The following KLF12 variants were observed in gnomAD, a reference collection of about 807,000 sequenced individuals.
KLF12 encodes the protein KLF transcription factor 12, also known as Krueppel-like factor 12.
KLF12 carries 9 observed loss-of-function variants against 37.8 expected under a neutral mutation model. The observed-to-expected ratio is 0.24, with a 90% CI of 0.14 to 0.42. The LOEUF is 0.42. KLF12 is among the 10% of genes least tolerant of loss of function. The probability of loss-of-function intolerance (pLI) is 1.00; values close to 1 mark genes in which losing one functional copy is unlikely to be tolerated. For synonymous variants in KLF12, 208 were observed against 202.1 expected (o/e 1.03, Z -0.25); for missense variants, 411 against 516.0 (o/e 0.80, Z 1.97).
intron 1 of KLF12, among the ~76,000 whole-genome samples, chr13:74,021,757 G>A (rs1892847077): frequency 6.6e-6 from 1 of 152,140 alleles, no homozygotes; most frequent in Non-Finnish European, 1.5e-5. Context: ...CTCCTATCAA[G>A]AAAATAGAAG....
intron 1 of KLF12, among the ~76,000 whole-genome samples, chr13:74,044,414 G>T (rs1262268054): frequency 2.0e-5 from 3 of 152,216 alleles, no homozygotes; most frequent in Non-Finnish European, 4.4e-5. Context: ...ACTGAGGCAG[G>T]AGATATATAA....
At chr13:74,278,600 C>T in the KLF12 span, among the ~76,000 whole-genome samples, 1 of 152,152 alleles carries the variant, frequency 6.6e-6, no homozygotes, top group Non-Finnish European at 1.5e-5. Flanking sequence ...CTTAAAAACC[C>T]CCTCTTTTGA....
chr13:73,842,860 G>A (rs965497633), intron 4 of KLF12, among the ~76,000 whole-genome samples: 3 of 152,070 alleles, frequency 2.0e-5, no homozygotes, highest in Non-Finnish European at 4.4e-5. Context: ...AAGAACTGAG[G>A]AATTACTGAA....
the KLF12 span, among the ~76,000 whole-genome samples, chr13:74,155,728 T>C: frequency 6.6e-6 from 1 of 152,222 alleles, no homozygotes; most frequent in African/African-American, 2.4e-5. Flanking sequence ...TAGTTCCTTA[T>C]AGCTTATACA....
intron 6 of KLF12, among the ~76,000 whole-genome samples, chr13:73,726,525 A>G (rs746786929): frequency 1.3e-5 from 2 of 152,220 alleles, no homozygotes; most frequent in Non-Finnish European, 2.9e-5. Context: ...ATGGCATCAT[A>G]TAATGCATGG....
the KLF12 span, among the ~76,000 whole-genome samples, chr13:74,205,454 C>T: frequency 1.3e-5 from 2 of 152,098 alleles, no homozygotes; most frequent in African/African-American, 4.8e-5. Context: ...CCTCTTGGCA[C>T]ATAGAAACTG....
chr13:74,076,364 G>C (rs1030362985), intron 1 of KLF12, among the ~76,000 whole-genome samples: 6 of 152,136 alleles, frequency 3.9e-5, no homozygotes, highest in African/African-American at 1.4e-4. Context: ...CTGGAGGCTG[G>C]AAAGTCCAAG....
At chr13:73,840,200 C>T (rs745324875) in intron 4 of KLF12, among the ~76,000 whole-genome samples, 32 of 152,142 alleles carry the variant, frequency 2.1e-4, no homozygotes, top group Non-Finnish European at 2.9e-4. Context: ...CTTGAAAACA[C>T]GCTCCACCTG....
intron 6 of KLF12, among the ~76,000 whole-genome samples, chr13:73,746,116 G>A (rs1229391376): frequency 5.3e-5 from 8 of 151,036 alleles, no homozygotes; most frequent in Admixed American, 1.3e-4. Flanking sequence ...GTGTGTATAT[G>A]TACATGTGGG....
chr13:73,732,698 C>G (rs1037399399), intron 6 of KLF12, among the ~76,000 whole-genome samples: 2 of 152,254 alleles, frequency 1.3e-5, no homozygotes, highest in Non-Finnish European at 1.5e-5. Flanking sequence ...CTTGCTCATT[C>G]CCATGTTTCG....
At chr13:73,970,684 A>G (rs1891305734) in intron 2 of KLF12, among the ~76,000 whole-genome samples, 1 of 152,208 alleles carries the variant, frequency 6.6e-6, no homozygotes, top group East Asian at 1.9e-4. Flanking sequence ...AAGAGGTACC[A>G]GACTGTCGGA....
intron 3 of KLF12, among the ~76,000 whole-genome samples, chr13:73,862,585 G>T (rs920074557): frequency 6.6e-6 from 1 of 151,704 alleles, no homozygotes; most frequent in Non-Finnish European, 1.5e-5. Context: ...CTTATTTTGT[G>T]CAATTTTAAG....
chr13:74,045,003 TAG>T, intron 1 of KLF12, among the ~76,000 whole-genome samples: 1 of 152,296 alleles, frequency 6.6e-6, no homozygotes, highest in Middle Eastern at 3.4e-3. Context: ...GGTAGGTAGA[TAG>T]ATAAGGGGGA....
chr13:73,934,950 A>ATTATTTATTTATTTATTTAT (rs146314583), intron 3 of KLF12, among the ~76,000 whole-genome samples: 4 of 139,588 alleles, frequency 2.9e-5, no homozygotes, highest in Admixed American at 7.2e-5. Flanking sequence ...ATAGGTTTTT[A>ATTATTTATTTATTTATTTAT]TTATTTATTT....
chr13:73,994,147 T>C (rs1197922388), intron 2 of KLF12, among the ~76,000 whole-genome samples: 1 of 152,174 alleles, frequency 6.6e-6, no homozygotes, highest in Non-Finnish European at 1.5e-5. Context: ...AAATCACTTG[T>C]AAGTAGCTGT....
the KLF12 span, among the ~76,000 whole-genome samples, chr13:74,294,570 T>C: frequency 4.8e-3 from 729 of 152,212 alleles, 3 homozygotes; most frequent in Non-Finnish European, 7.6e-3. Flanking sequence ...GGTTTCACCA[T>C]GTTGACCACC....
At chr13:74,100,902 T>C (rs1421994929) in intron 1 of KLF12, among the ~76,000 whole-genome samples, 1 of 152,022 alleles carries the variant, frequency 6.6e-6, no homozygotes, top group East Asian at 1.9e-4. Context: ...CTCTCTGAAG[T>C]TTCCTCATCT....
the KLF12 span, among the ~76,000 whole-genome samples, chr13:74,235,964 C>CT: frequency 6.9e-6 from 1 of 145,830 alleles, no homozygotes; most frequent in African/African-American, 2.5e-5. Flanking sequence ...TTTTATTATA[C>CT]TTTAAGTTTT....
At chr13:74,301,356 A>G in the KLF12 span, among the ~76,000 whole-genome samples, 1 of 152,168 alleles carries the variant, frequency 6.6e-6, no homozygotes, top group East Asian at 1.9e-4. Flanking sequence ...TCAGGGCCAT[A>G]ATTTCCATGA....
Sources: allele counts gnomAD v4.1 joint callset (sites outside exome capture counted in the v4.1 genomes callset), GRCh38; gene constraint gnomAD v4.1.1; transcripts MANE v1.5; gene names NCBI Gene and HGNC (gene_info 2026-07-23, HGNC 2026-07-21).